GPC5: variants seen among roughly 807,000 people sequenced by gnomAD.
GPC5 encodes the protein glypican-5.
Under a neutral mutation model 53.9 loss-of-function variants are expected in GPC5, and 47 were observed. The ratio of observed to expected loss-of-function variants is 0.87; its 90% confidence interval spans 0.69 to 1.11. GPC5 has a LOEUF of 1.11. GPC5 is among the 50% of genes most tolerant of loss of function. GPC5 has a pLI of 0.00. For synonymous variants in GPC5, 286 were observed against 263.3 expected, an observed-to-expected ratio of 1.09 and a Z score of -0.84; for missense variants, 748 against 713.1, an observed-to-expected ratio of 1.05 and a Z score of -0.56.
intron 6 of GPC5, among the ~76,000 whole-genome samples, chr13:92,131,487 T>A (rs2041742982): frequency 6.6e-6 from 1 of 151,992 alleles, no homozygotes; most frequent in Non-Finnish European, 1.5e-5. Flanking sequence ...GGAATACCCC[T>A]ATTAAAATTA....
At chr13:92,074,767 GAAT>G (rs774373189) in intron 6 of GPC5, among the ~76,000 whole-genome samples, 1 of 152,112 alleles carries the variant, frequency 6.6e-6, no homozygotes, top group Non-Finnish European at 1.5e-5. Context: ...ATGGTAACCA[GAAT>G]AATAGGAGGG....
chr13:91,824,246 G>A (rs554332590), intron 5 of GPC5, among the ~76,000 whole-genome samples: 20 of 152,006 alleles, frequency 1.3e-4, no homozygotes, highest in African/African-American at 4.8e-4. Flanking sequence ...TGACATAAAT[G>A]GATAAAGAGA....
intron 1 of GPC5, among the ~76,000 whole-genome samples, chr13:91,431,956 C>T (rs1359474943): frequency 6.6e-6 from 1 of 152,148 alleles, no homozygotes; most frequent in African/African-American, 2.4e-5. Flanking sequence ...AGAGGTAATG[C>T]TTAATTTCAT....
chr13:91,475,318 T>C (rs1283725748), intron 2 of GPC5, among the ~76,000 whole-genome samples: 1 of 152,198 alleles, frequency 6.6e-6, no homozygotes. Flanking sequence ...AAGCACTTAG[T>C]AGGCAATGCC....
chr13:91,853,275 A>G (rs2038933742), intron 5 of GPC5, among the ~76,000 whole-genome samples: 1 of 152,032 alleles, frequency 6.6e-6, no homozygotes, highest in Non-Finnish European at 1.5e-5. Context: ...CTGGGGGTAT[A>G]ATGCTTGATG....
chr13:92,038,371 GAT>G (rs1566406867), intron 6 of GPC5, among the ~76,000 whole-genome samples: 1 of 135,146 alleles, frequency 7.4e-6, no homozygotes, highest in African/African-American at 2.8e-5. Context: ...TAGATAGATA[GAT>G]AGATAGATAG....
intron 3 of GPC5, among the ~76,000 whole-genome samples, chr13:91,697,619 C>T (rs374311380): frequency 3.2e-4 from 48 of 151,974 alleles, no homozygotes; most frequent in South Asian, 1.5e-3. Flanking sequence ...TTAATATTAA[C>T]GGATTAATAT....
intron 7 of GPC5, among the ~76,000 whole-genome samples, chr13:92,187,860 T>A (rs1370905797): frequency 6.6e-6 from 1 of 152,238 alleles, no homozygotes; most frequent in African/African-American, 2.4e-5. Context: ...TAATTACTCA[T>A]GTAAAGAACA....
At chr13:92,783,627 T>C (rs879377813) in intron 7 of GPC5, among the ~76,000 whole-genome samples, 1 of 152,170 alleles carries the variant, frequency 6.6e-6, no homozygotes, top group Non-Finnish European at 1.5e-5. Context: ...AATCCATTAG[T>C]TTCCCTGATA....
chr13:92,492,142 T>C (rs551323030), intron 7 of GPC5, among the ~76,000 whole-genome samples: 1 of 152,302 alleles, frequency 6.6e-6, no homozygotes, highest in African/African-American at 2.4e-5. Flanking sequence ...AGACTCAGTA[T>C]TTTGCAGAAG....
intron 7 of GPC5, among the ~76,000 whole-genome samples, chr13:92,758,362 T>C (rs949487596): frequency 6.7e-5 from 10 of 148,446 alleles, no homozygotes; most frequent in African/African-American, 2.0e-4. Context: ...CTTTGGGAGA[T>C]ATACCTAATG....
At position 91,639,582 on chromosome 13, in the gene GPC5, C is replaced by T. The variant is rs147441320; in HGVS notation, c.326-53605C>T. Among the ~76,000 whole-genome samples, 685 of 152,264 alleles carry T rather than the reference C, an allele frequency of 4.5e-3. 9 individuals are homozygous for T. Among genetic ancestry groups the T allele is most frequent in the African/African-American group, 0.015 (630 of 41,536 alleles). On this transcript the variant is annotated intron_variant, in intron 2 of 7. Coordinates refer to ENST00000377067, the MANE Select transcript of GPC5 (RefSeq NM_004466.6). ...AACTTACTCTAATTGAGTCAATTGG[C>T]ATCCTTCACGGATTTTTTTCTAACT...
chr13:91,706,852 G>A (rs1305650616), intron 3 of GPC5, among the ~76,000 whole-genome samples: 1 of 152,104 alleles, frequency 6.6e-6, no homozygotes, highest in East Asian at 1.9e-4. Flanking sequence ...AATAAAGAAT[G>A]CAATCCATAG....
At chr13:91,772,853 C>T (rs2138699897) in intron 5 of GPC5, among the ~76,000 whole-genome samples, 2 of 152,212 alleles carry the variant, frequency 1.3e-5, no homozygotes, top group South Asian at 4.1e-4. Context: ...AGGAGCTCTC[C>T]AGATGATTCT....
intron 7 of GPC5, among the ~76,000 whole-genome samples, chr13:92,655,954 A>C (rs974385085): frequency 6.6e-6 from 1 of 152,220 alleles, no homozygotes; most frequent in African/African-American, 2.4e-5. Flanking sequence ...ACACTGTATT[A>C]GGTTCTGGGA....
chr13:91,969,054 C>T (rs753545967), intron 6 of GPC5, among the ~76,000 whole-genome samples: 3 of 151,622 alleles, frequency 2.0e-5, no homozygotes, highest in Non-Finnish European at 2.9e-5. Flanking sequence ...CTGCAGCCTC[C>T]GCCTCCCAGG....
chr13:92,600,319 G>C (rs1044167045), intron 7 of GPC5, among the ~76,000 whole-genome samples: 1 of 152,014 alleles, frequency 6.6e-6, no homozygotes, highest in African/African-American at 2.4e-5. Context: ...ATTTTGTAGG[G>C]TTTGTTTTTT....
intron 6 of GPC5, among the ~76,000 whole-genome samples, chr13:92,040,991 C>A (rs1308156420): frequency 6.6e-6 from 1 of 152,162 alleles, no homozygotes; most frequent in Admixed American, 6.5e-5. Context: ...CCTGGGATTA[C>A]AGGCATGTGC....
intron 6 of GPC5, among the ~76,000 whole-genome samples, chr13:91,994,321 C>T (rs569653448): frequency 1.5e-4 from 23 of 152,288 alleles, no homozygotes; most frequent in South Asian, 8.3e-4. Context: ...GTGCCTGACA[C>T]GTTACTACTG....
Sources: gnomAD v4.1 joint callset for allele counts (sites outside exome capture counted in the v4.1 genomes callset) on GRCh38, gnomAD v4.1.1 for gene constraint, MANE v1.5 for transcripts, NCBI Gene and HGNC (gene_info 2026-07-23, HGNC 2026-07-21) for gene names.